ZC3H7A: variants seen among roughly 807,000 people sequenced by gnomAD.
ZC3H7A encodes the protein zinc finger CCCH-type containing 7A.
In ZC3H7A, 44 loss-of-function variants were observed where a neutral mutation model predicts 125.5. The ratio of observed to expected loss-of-function variants is 0.35; its 90% CI spans 0.28 to 0.45. The LOEUF is 0.45. Ranked by LOEUF, ZC3H7A falls within the 20% of genes least tolerant of loss-of-function variation. The pLI, the probability that ZC3H7A is intolerant of heterozygous loss-of-function variation, is 1.00. For synonymous variants in ZC3H7A, 399 were observed against 391.2 expected (o/e 1.02, Z -0.23); for missense variants, 977 against 1,170.7 (o/e 0.83, Z 2.41).
At chr16:11,751,903 C>CTTTTTTTTT (rs34041916) in intron 22 of ZC3H7A, among the ~76,000 whole-genome samples, 2 of 128,934 alleles carry the variant, frequency 1.6e-5, no homozygotes, top group Non-Finnish European at 3.3e-5. Context: ...ACTGAAAAAC[C>CTTTTTTTTT]TTTTTTTTTT....
At chr16:11,754,506 G>C (rs955546776) in intron 21 of ZC3H7A, among the ~76,000 whole-genome samples, 12 of 151,820 alleles carry the variant, frequency 7.9e-5, no homozygotes, top group African/African-American at 2.4e-4. Context: ...TCAACAGAGA[G>C]ACGGAGGTGC....
Position 11,776,535 on chromosome 16 carries a change from G to GA in ZC3H7A, c.466-4dup. 1.9e-6 allele frequency: 3 copies of GA among 1,597,892 alleles called. No individual in the cohort carries two copies. Among genetic ancestry groups the GA allele is most frequent in the South Asian group, 1.1e-5 (1 of 87,322 alleles). On this transcript the variant is annotated splice_region_variant and splice_polypyrimidine_tract_variant and intron_variant, in intron 5 of 22. Coordinates refer to ENST00000355758, the MANE Select transcript of ZC3H7A (RefSeq NM_014153.4). ...GTTAGTTTTATTACATGCTCATCCT[G>GA]AAAAAAATAAGTATGTATAATTAAC... is the stretch of plus-strand genomic sequence containing the variant.
intron 1 of ZC3H7A, chr16:11,782,678 C>T (rs1342054133): frequency 1.0e-5 from 2 of 191,084 alleles, no homozygotes; most frequent in African/African-American, 2.4e-5. Flanking sequence ...CGCGATCTCG[C>T]GATCTCGGCT....
intron 1 of ZC3H7A, among the ~76,000 whole-genome samples, chr16:11,783,357 G>A (rs770179250): frequency 3.9e-5 from 6 of 152,002 alleles, no homozygotes; most frequent in Non-Finnish European, 8.8e-5. Flanking sequence ...ACTAATCAAC[G>A]TTCACCGAGC....
In ZC3H7A at chr16:11,772,968, GGT is replaced by G. The variant is rs1331979012; in HGVS notation, c.903+1266_903+1267del. 5.9e-5 allele frequency among the ~76,000 whole-genome samples: 9 copies of G among 151,898 alleles called. No homozygotes were observed. In the South Asian group the frequency reaches 1.7e-3, roughly 28 times the overall value. On this transcript the variant is annotated intron_variant, in intron 9 of 22. Coordinates refer to ENST00000355758, the MANE Select transcript of ZC3H7A (RefSeq NM_014153.4). ...AGCCTCCCAAAGTGCTGTGATTACA[GGT>G]GTGCGCCACTGCACCCAGCAGAAAA...
At chr16:11,791,568 C>G (rs1282363056) in intron 1 of ZC3H7A, among the ~76,000 whole-genome samples, 4 of 152,136 alleles carry the variant, frequency 2.6e-5, no homozygotes, top group African/African-American at 9.7e-5. Context: ...AATACTTGAA[C>G]AAAGAATGAA....
chr16:11,770,672 G>T, intron 10 of ZC3H7A, 111 bp downstream of exon 10: 1 of 1,050,970 alleles, frequency 9.5e-7, no homozygotes, highest in Non-Finnish European at 1.3e-6. Flanking sequence ...TAGCTACAAA[G>T]AAAATAATTC....
intron 1 of ZC3H7A, among the ~76,000 whole-genome samples, chr16:11,790,702 G>C (rs2053335552): frequency 6.6e-6 from 1 of 151,860 alleles, no homozygotes; most frequent in African/African-American, 2.4e-5. Context: ...AAAACGCCCG[G>C]CTAATTTTGT....
chr16:11,776,271 T>C lies in ZC3H7A; in HGVS notation c.585+49A>G, dbSNP rs764492416. On this transcript the variant is annotated intron_variant, in intron 7 of 22. Coordinates refer to ENST00000355758, the MANE Select transcript of ZC3H7A (RefSeq NM_014153.4). ...AATACTAAAAGTAGAATTGCTCCCA[T>C]CCTTCCCTTTAAAAAAAAATATAAT... The C allele has an allele frequency of 3.3e-6, 5 of 1,536,784 alleles. No homozygotes were observed. In the East Asian group the frequency reaches 6.9e-5, roughly 21 times the overall value.
intron 1 of ZC3H7A, among the ~76,000 whole-genome samples, chr16:11,791,085 TAA>T (rs1465991342): frequency 1.1e-5 from 1 of 94,120 alleles, no homozygotes; most frequent in Non-Finnish European, 2.1e-5. Context: ...AATAAATTTT[TAA>T]AACACACACA....
At chr16:11,759,428 T>G (rs2052704998) in intron 19 of ZC3H7A, 1 of 152,214 alleles carries the variant, frequency 6.6e-6, no homozygotes, top group South Asian at 2.1e-4. Flanking sequence ...TCAGCCCCCT[T>G]AACACTGTAC....
chr16:11,757,552 T>C lies in ZC3H7A; in HGVS notation c.2428+879A>G, dbSNP rs149901380. ...AGAACCACTGTGCTAAAAACTCTGG[T>C]AATGAGGACCTGGTTAAAACTTGGC... On this transcript the variant is annotated intron_variant, in intron 20 of 22. Coordinates refer to ENST00000355758, the MANE Select transcript of ZC3H7A (RefSeq NM_014153.4). Among the ~76,000 whole-genome samples the C allele has an allele frequency of 6.3e-4, 93 of 147,964 alleles. No homozygotes were observed. In the East Asian group the frequency reaches 0.017, roughly 27 times the overall value.
Position 11,762,723 on chromosome 16 carries a change from T to C in ZC3H7A, c.2027A>G (p.Gln676Arg). The C allele has an allele frequency of 6.2e-7, 1 of 1,613,948 alleles. No homozygotes were observed. The highest frequency in any genetic ancestry group is 2.2e-5 in the East Asian group (1 of 44,884). ...ATTCTGCCAATATCGTTTAGACTCT[T>C]GAGCAATAGCATCATGTGAGATACC... is the stretch of plus-strand genomic sequence containing the variant. ...ETGISHDAIA[Q>R]ESKRYWQNLE... Residue 676 changes from glutamine to arginine, a missense_variant, in exon 17 of 23, where the codon CAA (glutamine) becomes CGA (arginine). Physicochemically the swap from Gln to Arg is conservative, Grantham distance 43 (BLOSUM62 1). Transcript: ENST00000355758.
chr16:11,762,140 A>G (rs2052763245), intron 17 of ZC3H7A, 97 bp from the exon 18 acceptor site: 1 of 1,257,360 alleles, frequency 8.0e-7, no homozygotes, highest in African/African-American at 1.5e-5. Flanking sequence ...TCACAATAGT[A>G]TACAATTTCC....
chr16:11,788,308 G>A (rs536462405), intron 1 of ZC3H7A, among the ~76,000 whole-genome samples: 10 of 152,002 alleles, frequency 6.6e-5, no homozygotes, highest in African/African-American at 9.7e-5. Context: ...AGATCTCCCC[G>A]AGCCATACTC....
At position 11,767,396 on chromosome 16, in the gene ZC3H7A, TTAAG is replaced by T. The variant is rs573646631; in HGVS notation, c.1522+17_1522+20del. On this transcript the variant is annotated intron_variant, in intron 13 of 22. Coordinates refer to ENST00000355758, the MANE Select transcript of ZC3H7A (RefSeq NM_014153.4). ...TCATCACTTATGTAATGTATACTAA[TTAAG>T]TAATTACAGTACATACCTTTACATA... 7.7e-5 allele frequency: 115 copies of T among 1,498,696 alleles called. No individual in the cohort carries two copies. The African/African-American group carries it at 1.3e-3, about 16-fold the overall frequency. The allele number at this position is 1,498,696 out of a possible 1,614,324, so 92.8% of individuals were successfully genotyped here.
At chr16:11,782,057 G>T (rs1036358519) in intron 2 of ZC3H7A, among the ~76,000 whole-genome samples, 1 of 152,120 alleles carries the variant, frequency 6.6e-6, no homozygotes, top group African/African-American at 2.4e-5. Flanking sequence ...CTAACGTTTT[G>T]GGGGAGACTA....
chr16:11,777,883 G>T (rs1194850593), intron 4 of ZC3H7A, among the ~76,000 whole-genome samples: 3 of 151,974 alleles, frequency 2.0e-5, no homozygotes, highest in East Asian at 1.9e-4. Flanking sequence ...GCCAGGTGTG[G>T]TGGTACATGC....
intron 3 of ZC3H7A, among the ~76,000 whole-genome samples, chr16:11,780,256 G>T (rs1044669036): frequency 3.3e-5 from 5 of 151,726 alleles, no homozygotes; most frequent in Admixed American, 6.6e-5. Context: ...GAGTAGCTGG[G>T]ATTACAGGCA....
Sources: allele counts gnomAD v4.1 joint callset (sites outside exome capture counted in the v4.1 genomes callset), GRCh38; gene constraint gnomAD v4.1.1; transcripts MANE v1.5; gene names NCBI Gene and HGNC (gene_info 2026-07-23, HGNC 2026-07-21).